The following PLCB4 variants were observed in gnomAD, a reference collection of about 807,000 sequenced individuals.
The protein encoded by PLCB4 is 1-phosphatidylinositol 4,5-bisphosphate phosphodiesterase beta-4.
A neutral mutation model predicts 178.8 loss-of-function variants in PLCB4; 77 were observed. The observed-to-expected ratio is 0.43, with a 90% CI of 0.36 to 0.52. The LOEUF is 0.52. PLCB4 is among the 20% of genes least tolerant of loss of function. The probability of loss-of-function intolerance (pLI) is 0.00; values close to 1 mark genes in which losing one functional copy is unlikely to be tolerated. For synonymous variants in PLCB4, 496 were observed against 490.8 expected (o/e 1.01, Z -0.14); for missense variants, 1,024 against 1,453.4 (o/e 0.70, Z 4.80).
chr20:9,244,969 G>T (rs2094109302), intron 3 of PLCB4, among the ~76,000 whole-genome samples: 1 of 152,112 alleles, frequency 6.6e-6, no homozygotes, highest in Non-Finnish European at 1.5e-5. Context: ...GTGTATGTCT[G>T]TCAGCTGACA....
At chr20:9,466,725 A>G (rs980650739) in intron 35 of PLCB4, among the ~76,000 whole-genome samples, 1 of 152,230 alleles carries the variant, frequency 6.6e-6, no homozygotes, top group Non-Finnish European at 1.5e-5. Flanking sequence ...CAAAACCACA[A>G]GAGTTGCCAT....
At chr20:9,230,827 C>T (rs1361556152) in intron 3 of PLCB4, among the ~76,000 whole-genome samples, 1 of 152,106 alleles carries the variant, frequency 6.6e-6, no homozygotes, top group East Asian at 1.9e-4. Flanking sequence ...GAGAGCAAAA[C>T]CATGCCATAA....
intron 28 of PLCB4, among the ~76,000 whole-genome samples, chr20:9,426,771 T>G (rs1295844055): frequency 6.6e-6 from 1 of 152,236 alleles, no homozygotes; most frequent in Admixed American, 6.5e-5. Context: ...TCATGAAATA[T>G]TTTTATATTT....
At chr20:9,158,572 C>G (rs1373834708) in intron 2 of PLCB4, among the ~76,000 whole-genome samples, 5 of 150,386 alleles carry the variant, frequency 3.3e-5, no homozygotes, top group Admixed American at 3.3e-4. Flanking sequence ...CCTGGCCACT[C>G]TCACGTTTTT....
At chr20:9,371,672 A>G (rs2036266893) in intron 10 of PLCB4, among the ~76,000 whole-genome samples, 1 of 152,268 alleles carries the variant, frequency 6.6e-6, no homozygotes, top group Non-Finnish European at 1.5e-5. Flanking sequence ...GCACAACATT[A>G]GCATGAATAA....
At chr20:9,394,323 T>C (rs906166260) in intron 18 of PLCB4, among the ~76,000 whole-genome samples, 1 of 152,096 alleles carries the variant, frequency 6.6e-6, no homozygotes, top group African/African-American at 2.4e-5. Context: ...AATAATGCCA[T>C]AGAAAAATCA....
chr20:9,267,004 A>G (rs2094355873), intron 3 of PLCB4, among the ~76,000 whole-genome samples: 1 of 152,198 alleles, frequency 6.6e-6, no homozygotes, highest in African/African-American at 2.4e-5. Context: ...GATTTCACAA[A>G]TAGAACAGAG....
At chr20:9,135,702 A>G (rs2092368636) in intron 2 of PLCB4, among the ~76,000 whole-genome samples, 1 of 152,178 alleles carries the variant, frequency 6.6e-6, no homozygotes, top group South Asian at 2.1e-4. Flanking sequence ...TGATTAAAAT[A>G]ATATCTAATA....
intron 15 of PLCB4, among the ~76,000 whole-genome samples, 178 bp downstream of exon 15, chr20:9,387,734 A>G (rs1216867865): frequency 6.6e-6 from 1 of 152,222 alleles, no homozygotes; most frequent in Non-Finnish European, 1.5e-5. Context: ...CGTCCCCTTC[A>G]TGATACTGTT....
intron 28 of PLCB4, among the ~76,000 whole-genome samples, chr20:9,430,979 G>A (rs1036844476): frequency 3.9e-5 from 6 of 152,254 alleles, no homozygotes; most frequent in South Asian, 4.1e-4. Flanking sequence ...GTTGGCAATC[G>A]AATGTACAGT....
chr20:9,428,734 G>A (rs1795101889), intron 28 of PLCB4, among the ~76,000 whole-genome samples: 1 of 151,892 alleles, frequency 6.6e-6, no homozygotes. Flanking sequence ...GGAACGGGAG[G>A]GAACCTGGGC....
chr20:9,421,428 A>C lies in PLCB4; in HGVS notation c.2286A>C (p.Pro762=). The C allele has an allele frequency of 6.2e-7, 1 of 1,613,880 alleles. No individual in the cohort carries two copies. The highest frequency in any genetic ancestry group is 8.5e-7 in the Non-Finnish European group (1 of 1,179,870). The change falls in exon 27 of 40, where the codon CCA becomes CCC. Residue 762 remains proline, a synonymous_variant. Coordinates refer to ENST00000378473, the MANE Select transcript of PLCB4 (RefSeq NM_001377142.1). ...TRMVMNNGLN[P]VYNEESFVFR... is the part of the protein sequence containing the mutation. ...TGGTTATGAATAATGGACTCAATCC[A>C]GTTTACAATGAAGAGTCATTTGTAT...
At chr20:9,316,073 G>A (rs992075584) in intron 4 of PLCB4, among the ~76,000 whole-genome samples, 19 of 152,170 alleles carry the variant, frequency 1.2e-4, no homozygotes, top group African/African-American at 4.6e-4. Flanking sequence ...ACCAAGGGTG[G>A]AGTGAGCATC....
At chr20:9,195,781 A>C (rs1043134385) in intron 2 of PLCB4, among the ~76,000 whole-genome samples, 4 of 152,140 alleles carry the variant, frequency 2.6e-5, no homozygotes, top group African/African-American at 9.7e-5. Flanking sequence ...AATTCTTAGA[A>C]TAAATCTCAG....
At chr20:9,197,958 A>T (rs1172941480) in intron 2 of PLCB4, among the ~76,000 whole-genome samples, 1 of 152,168 alleles carries the variant, frequency 6.6e-6, no homozygotes, top group Non-Finnish European at 1.5e-5. Flanking sequence ...CTGGGCAACA[A>T]GAGCAAAACT....
chr20:9,435,502 A>G, intron 28 of PLCB4, 58 bp from the exon 29 acceptor site: 1 of 978,784 alleles, frequency 1.0e-6, no homozygotes, highest in Non-Finnish European at 1.6e-6. Context: ...CAGAGTTTTA[A>G]TGAATATTTT....
chr20:9,187,249 A>C (rs1480314589), intron 2 of PLCB4, among the ~76,000 whole-genome samples: 1 of 152,052 alleles, frequency 6.6e-6, no homozygotes, highest in Non-Finnish European at 1.5e-5. Context: ...TCCTGGGATT[A>C]CAGGCATGAG....
chr20:9,284,368 A>T (rs1256072981), intron 3 of PLCB4, among the ~76,000 whole-genome samples: 2 of 151,980 alleles, frequency 1.3e-5, no homozygotes, highest in Non-Finnish European at 2.9e-5. Context: ...GAGGAAGTCC[A>T]TGTGGTTAGA....
At chr20:9,178,021 C>T (rs550369009) in intron 2 of PLCB4, among the ~76,000 whole-genome samples, 60 of 152,248 alleles carry the variant, frequency 3.9e-4, no homozygotes, top group Middle Eastern at 3.4e-3. Flanking sequence ...GTTGATAAAT[C>T]GTTAAAAATA....
Sources: gnomAD v4.1 joint callset for allele counts (sites outside exome capture counted in the v4.1 genomes callset) on GRCh38, gnomAD v4.1.1 for gene constraint, MANE v1.5 for transcripts, NCBI Gene and HGNC (gene_info 2026-07-23, HGNC 2026-07-21) for gene names.